MBD5: variants seen among roughly 807,000 people sequenced by gnomAD.
MBD5 encodes methyl-CpG-binding domain protein 5.
A neutral mutation model predicts 117.3 loss-of-function variants in MBD5; 13 were observed. That is an observed-to-expected ratio of 0.11 (90% CI 0.07 to 0.18). MBD5 has a LOEUF of 0.18. Among genes scored for constraint, MBD5 ranks in the 10% least tolerant of loss-of-function variants. MBD5 has a pLI of 1.00. For missense variants in MBD5, 1,879 were observed against 2,093.8 expected (o/e 0.90, Z 2.00); for synonymous variants, 727 against 766.4 (o/e 0.95, Z 0.85).
chr2:148,469,379 C>T lies in MBD5; in HGVS notation c.1436C>T (p.Pro479Leu). Reference sequence around the variant, plus strand: ...AATTTCATGATGCCACCTGTAGGACCCCAGGCCACTTCTAGTGGTATTAAG... The same window carrying T: ...AATTTCATGATGCCACCTGTAGGACTCCAGGCCACTTCTAGTGGTATTAAG... ...HGNFMMPPVG[P>L]QATSSGIKVP... is the part of the protein sequence containing the mutation. The change falls in exon 8 of 14, where the codon CCC becomes CTC. Residue 479 changes from proline to leucine, a missense_variant. Pro to Leu is a moderately conservative substitution (Grantham distance 98). Coordinates refer to ENST00000642680, the MANE Select transcript of MBD5 (RefSeq NM_001378120.1). 6.2e-7 allele frequency: 1 copy of T among 1,613,674 alleles called. No homozygotes were observed. Among genetic ancestry groups the T allele is most frequent in the Non-Finnish European group, 8.5e-7 (1 of 1,179,912 alleles).
In MBD5 at chr2:148,283,629, C is replaced by T. The variant is rs142875740; in HGVS notation, c.-680+50234C>T. Among the ~76,000 whole-genome samples, 271 of 152,182 alleles carry T rather than the reference C, an allele frequency of 1.8e-3. 1 individual carries two copies. Among genetic ancestry groups the T allele is most frequent in the African/African-American group, 5.9e-3 (244 of 41,520 alleles). ...AAGAACTAAACCATTTATCCTTCAC[C>T]GATGGCCCTATTTTAAGTCATAAGA... On this transcript the variant is annotated intron_variant, in intron 3 of 13. Coordinates refer to ENST00000642680, the MANE Select transcript of MBD5 (RefSeq NM_001378120.1).
chr2:148,252,895 T>G (rs1368234174), intron 3 of MBD5, among the ~76,000 whole-genome samples: 1 of 152,194 alleles, frequency 6.6e-6, no homozygotes, highest in African/African-American at 2.4e-5. Flanking sequence ...TGAGCATGTT[T>G]ATTGGAAGAA....
At chr2:148,370,797 AT>A (rs1308568922) in intron 4 of MBD5, among the ~76,000 whole-genome samples, 9 of 152,174 alleles carry the variant, frequency 5.9e-5, no homozygotes, top group Admixed American at 1.3e-4. Flanking sequence ...TGATAGCCTA[AT>A]TTTTTTAAAG....
intron 13 of MBD5, 26 bp downstream of exon 13, chr2:148,510,161 A>G (rs780410739): frequency 4.6e-6 from 7 of 1,525,234 alleles, no homozygotes; most frequent in Non-Finnish European, 4.5e-6. Flanking sequence ...TTTCCATTAT[A>G]CTACGTTTCT....
intron 1 of MBD5, among the ~76,000 whole-genome samples, chr2:148,158,272 G>A (rs901865034): frequency 1.3e-5 from 2 of 152,144 alleles, no homozygotes; most frequent in African/African-American, 2.4e-5. Context: ...CATGAAAAAT[G>A]TTGAATATAA....
At chr2:148,046,895 G>A (rs1347229346) in intron 1 of MBD5, among the ~76,000 whole-genome samples, 1 of 152,156 alleles carries the variant, frequency 6.6e-6, no homozygotes, top group East Asian at 1.9e-4. Flanking sequence ...TCAATCTGAA[G>A]TATAAGCCCT....
chr2:148,321,464 A>G (rs984924619), intron 3 of MBD5, among the ~76,000 whole-genome samples: 1 of 152,180 alleles, frequency 6.6e-6, no homozygotes, highest in Non-Finnish European at 1.5e-5. Context: ...TCATGCAGAT[A>G]GGTTCCCAAG....
rs988761818 is a variant in MBD5, at chr2:148,324,319, G to A, written c.-679-17895G>A. On this transcript the variant is annotated intron_variant, in intron 3 of 13. Coordinates refer to ENST00000642680, the MANE Select transcript of MBD5 (RefSeq NM_001378120.1). ...TCTTTTGGCTCAGGATTGACTTGCC[G>A]GCTCTTTTGTGGTTCCATATGAACT... 7.9e-5 allele frequency among the ~76,000 whole-genome samples: 12 copies of A among 151,108 alleles called. 1 individual carries two copies. Among genetic ancestry groups the A allele is most frequent in the South Asian group, 6.2e-4 (3 of 4,802 alleles).
chr2:148,444,783 A>G (rs1365251551), intron 4 of MBD5, among the ~76,000 whole-genome samples: 5 of 150,904 alleles, frequency 3.3e-5, no homozygotes. Flanking sequence ...AACAAGTATC[A>G]TTCAGTGTTA....
At chr2:148,351,330 C>G (rs1013188814) in intron 4 of MBD5, among the ~76,000 whole-genome samples, 1 of 151,976 alleles carries the variant, frequency 6.6e-6, no homozygotes, top group Non-Finnish European at 1.5e-5. Flanking sequence ...TTTGCCTGCT[C>G]TAGACATTTC....
intron 1 of MBD5, among the ~76,000 whole-genome samples, chr2:148,023,337 G>A (rs191660118): frequency 2.8e-4 from 42 of 152,260 alleles, no homozygotes; most frequent in African/African-American, 9.4e-4. Flanking sequence ...TTTAGTGACA[G>A]TGAAGCATTG....
At chr2:148,488,753 A>G (rs549355056) in intron 10 of MBD5, among the ~76,000 whole-genome samples, 8 of 152,144 alleles carry the variant, frequency 5.3e-5, no homozygotes, top group African/African-American at 1.7e-4. Context: ...CCTGGTAAGT[A>G]TGCTCTCCTT....
At chr2:148,097,495 G>T (rs1180509700) in intron 1 of MBD5, among the ~76,000 whole-genome samples, 2 of 152,178 alleles carry the variant, frequency 1.3e-5, no homozygotes, top group Admixed American at 1.3e-4. Flanking sequence ...CAAGTTATTT[G>T]TTTTTCATTC....
At chr2:148,130,899 A>G in intron 1 of MBD5, among the ~76,000 whole-genome samples, 1 of 152,182 alleles carries the variant, frequency 6.6e-6, no homozygotes, top group East Asian at 1.9e-4. Flanking sequence ...TAAAAAGCTC[A>G]CCAAAGGTGA....
intron 3 of MBD5, among the ~76,000 whole-genome samples, chr2:148,318,218 AT>A (rs1378476803): frequency 6.7e-6 from 1 of 149,756 alleles, no homozygotes; most frequent in Non-Finnish European, 1.5e-5. Context: ...GATGTTGAGC[AT>A]TTTTTCGTGT....
At chr2:148,375,075 A>G (rs1188364436) in intron 4 of MBD5, among the ~76,000 whole-genome samples, 1 of 152,182 alleles carries the variant, frequency 6.6e-6, no homozygotes, top group Non-Finnish European at 1.5e-5. Context: ...ATATTTTAGC[A>G]TCTTCTCCAA....
chr2:148,246,049 AGAT>A (rs1238930096), intron 3 of MBD5, among the ~76,000 whole-genome samples: 1 of 152,196 alleles, frequency 6.6e-6, no homozygotes, highest in African/African-American at 2.4e-5. Context: ...GCAAGAAGAG[AGAT>A]GATCATTAAT....
intron 8 of MBD5, among the ~76,000 whole-genome samples, chr2:148,475,334 A>G (rs1452007777): frequency 6.6e-6 from 1 of 152,096 alleles, no homozygotes. Context: ...AAAATGAGCC[A>G]TTTATTCTTT....
At chr2:148,240,850 G>A (rs1347187717) in intron 3 of MBD5, among the ~76,000 whole-genome samples, 1 of 151,956 alleles carries the variant, frequency 6.6e-6, no homozygotes, top group Non-Finnish European at 1.5e-5. Flanking sequence ...TTCATAATTT[G>A]CATGTGATGC....
Sources: allele counts gnomAD v4.1 joint callset (sites outside exome capture counted in the v4.1 genomes callset), GRCh38; gene constraint gnomAD v4.1.1; transcripts MANE v1.5; gene names NCBI Gene and HGNC (gene_info 2026-07-23, HGNC 2026-07-21).